SYT10: variants seen among roughly 807,000 people sequenced by gnomAD.
The protein encoded by SYT10 is synaptotagmin 10.
In SYT10, 31 loss-of-function variants were observed where a neutral mutation model predicts 51.1. That is an observed-to-expected ratio of 0.61 (90% CI 0.46 to 0.82). The LOEUF is 0.82. Among genes scored for constraint, SYT10 ranks in the 40% least tolerant of loss-of-function variants. SYT10 has a pLI of 0.00. For synonymous variants in SYT10, 233 were observed against 225.9 expected (o/e 1.03, Z -0.28); for missense variants, 603 against 634.0 (o/e 0.95, Z 0.53).
At chr12:33,390,908 T>A (rs1866199620) in intron 3 of SYT10, among the ~76,000 whole-genome samples, 1 of 152,164 alleles carries the variant, frequency 6.6e-6, no homozygotes, top group Non-Finnish European at 1.5e-5. Flanking sequence ...CAGGTCTGCA[T>A]AATGTTAAAT....
At chr12:33,377,982 A>T (rs1866078865) in intron 6 of SYT10, among the ~76,000 whole-genome samples, 1 of 151,692 alleles carries the variant, frequency 6.6e-6, no homozygotes, top group Non-Finnish European at 1.5e-5. Context: ...AATGGACACA[A>T]CTCTCAAATA....
Position 33,407,003 on chromosome 12 carries a change from T to C in SYT10, c.863A>G (p.His288Arg). Reference sequence around the variant, plus strand: ...AAATAGAGGATTTAAAGTCTTTCTGTGCACGCGGGTCTGAAATTTCTTTTT... The same window carrying C: ...AAATAGAGGATTTAAAGTCTTTCTGCGCACGCGGGTCTGAAATTTCTTTTT... ...DRKKKFQTRV[H>R]RKTLNPLFDE... The change falls in exon 3 of 7, where the codon CAC (histidine) becomes CGC (arginine). Residue 288 changes from histidine (H) to arginine (R), a missense_variant. Transcript: ENST00000228567. 1 of 1,614,184 alleles carries C rather than the reference T, an allele frequency of 6.2e-7. No homozygotes were observed. Among genetic ancestry groups the C allele is most frequent in the South Asian group, 1.1e-5 (1 of 91,084 alleles).
rs569599951 is a variant in SYT10 at position 33,406,571 on chromosome 12, G to A, written c.1077+218C>T. On this transcript the variant is annotated intron_variant, in intron 3 of 6. Transcript: ENST00000228567. ...GCCTACCAGTTCTGCTAATTTATAAGAGCTACGTTTTTTTATTCACACAAT... is the reference window on the plus strand; with the variant it reads ...GCCTACCAGTTCTGCTAATTTATAAAAGCTACGTTTTTTTATTCACACAAT... 5.9e-5 allele frequency among the ~76,000 whole-genome samples: 9 copies of A among 152,210 alleles called. No homozygotes were observed. The South Asian group carries it at 1.7e-3, about 28-fold the overall frequency.
intron 5 of SYT10, among the ~76,000 whole-genome samples, chr12:33,380,324 T>G (rs1246834600): frequency 6.6e-6 from 1 of 152,228 alleles, no homozygotes; most frequent in Non-Finnish European, 1.5e-5. Flanking sequence ...ACAAATCTTG[T>G]TCTTTCCACA....
chr12:33,413,200 C>T lies in SYT10; in HGVS notation c.510-5844G>A, dbSNP rs553818692. On this transcript the variant is annotated intron_variant, in intron 2 of 6. Coordinates refer to ENST00000228567, the MANE Select transcript of SYT10 (RefSeq NM_198992.4). ...GGACTATGTGAAAAGACCAAATCTA[C>T]ATCTGATTGGTGTACCTGAAAGTGA... Among the ~76,000 whole-genome samples the T allele has an allele frequency of 7.6e-3, 1,150 of 152,202 alleles. 9 individuals are homozygous for T. Among genetic ancestry groups the T allele is most frequent in the South Asian group, 0.016 (76 of 4,818 alleles).
chr12:33,433,791 A>C (rs1591999819), intron 1 of SYT10, among the ~76,000 whole-genome samples: 1 of 152,290 alleles, frequency 6.6e-6, no homozygotes, highest in East Asian at 1.9e-4. Flanking sequence ...TAATGTAATA[A>C]TATTAACAGC....
intron 2 of SYT10, among the ~76,000 whole-genome samples, chr12:33,412,346 G>A (rs1311048286): frequency 6.6e-6 from 1 of 151,488 alleles, no homozygotes; most frequent in Non-Finnish European, 1.5e-5. Flanking sequence ...GTTAAGACAA[G>A]CTTTAATTAT....
chr12:33,419,823 T>G (rs746674966), intron 2 of SYT10, among the ~76,000 whole-genome samples: 1 of 152,224 alleles, frequency 6.6e-6, no homozygotes, highest in Non-Finnish European at 1.5e-5. Context: ...TCTGAGAACA[T>G]ATTATATTAC....
At chr12:33,418,109 C>T (rs1032561947) in intron 2 of SYT10, among the ~76,000 whole-genome samples, 13 of 152,170 alleles carry the variant, frequency 8.5e-5, no homozygotes, top group African/African-American at 2.9e-4. Flanking sequence ...TACTGTACCA[C>T]AATCGCTCTT....
intron 1 of SYT10, among the ~76,000 whole-genome samples, chr12:33,437,557 C>T (rs1197194682): frequency 6.6e-6 from 1 of 152,108 alleles, no homozygotes; most frequent in Non-Finnish European, 1.5e-5. Context: ...AGTCTGAGAC[C>T]CGGGAAACCA....
chr12:33,377,031 T>A, intron 6 of SYT10, 130 bp from the exon 7 acceptor site: 3 of 941,922 alleles, frequency 3.2e-6, no homozygotes, highest in Admixed American at 2.1e-5. Flanking sequence ...AATACATAAC[T>A]CCCTTTGCCC....
chr12:33,397,317 T>G, intron 3 of SYT10, among the ~76,000 whole-genome samples: 1 of 151,356 alleles, frequency 6.6e-6, no homozygotes, highest in African/African-American at 2.4e-5. Context: ...TACCCTGGAG[T>G]GGTAACAGCA....
intron 2 of SYT10, among the ~76,000 whole-genome samples, chr12:33,414,553 T>C (rs1186404961): frequency 6.6e-6 from 1 of 152,140 alleles, no homozygotes; most frequent in Non-Finnish European, 1.5e-5. Flanking sequence ...CTACATGGAA[T>C]CTGAACAACC....
chr12:33,439,439 C>G lies in SYT10; in HGVS notation c.84G>C (p.Gln28His). 6.2e-7 allele frequency: 1 copy of G among 1,614,272 alleles called. No homozygotes were observed. The highest frequency in any genetic ancestry group is 8.5e-7 in the Non-Finnish European group (1 of 1,180,050). Reference protein sequence around the residue: ...HIVTELCFAGQVEWEKCSGIF... With the variant: ...HIVTELCFAGHVEWEKCSGIF... ...TGCCCGAGCACTTCTCCCACTCCAC[C>G]TGGCCGGCGAAGCACAGCTCGGTGA... Residue 28 changes from glutamine to histidine, a missense_variant, in exon 1 of 7, where the codon CAG (glutamine) becomes CAC (histidine). Gln to His is a conservative substitution (Grantham distance 24). Transcript: ENST00000228567.
chr12:33,376,083 G>A lies in SYT10; in HGVS notation c.*747C>T, dbSNP rs1163162365. 6.6e-6 allele frequency: 1 copy of A among 152,170 alleles called. No individual in the cohort carries two copies. The highest frequency in any genetic ancestry group is 1.5e-5 in the Non-Finnish European group (1 of 68,014). 9.4% of individuals were successfully genotyped at this position (152,170 alleles called of 1,614,324 possible). On this transcript the variant is annotated 3_prime_UTR_variant, in exon 7 of 7. Transcript: ENST00000228567. ...TATTAGAATTTTAAAAATATCAGTT[G>A]AACAGTGCAACAGATATTTGAGCTA...
At chr12:33,433,952 TGAAG>T (rs1308391998) in intron 1 of SYT10, among the ~76,000 whole-genome samples, 2 of 152,206 alleles carry the variant, frequency 1.3e-5, no homozygotes, top group Admixed American at 1.3e-4. Flanking sequence ...AGTGATGATT[TGAAG>T]GGAGGTTAAA....
At chr12:33,422,928 G>C (rs1295268473) in intron 2 of SYT10, among the ~76,000 whole-genome samples, 1 of 152,104 alleles carries the variant, frequency 6.6e-6, no homozygotes. Flanking sequence ...TAGAAAGAGT[G>C]AAAGATACGT....
chr12:33,403,986 T>C (rs1356015128), intron 3 of SYT10, among the ~76,000 whole-genome samples: 1 of 152,226 alleles, frequency 6.6e-6, no homozygotes, highest in Non-Finnish European at 1.5e-5. Context: ...AATGTTCTAG[T>C]TAAAGGAGAA....
chr12:33,407,118 C>T lies in SYT10; in HGVS notation c.748G>A (p.Val250Ile). ...AGATCTAAAGCTTTGATAATTTTAACAACTAGAAGTTCATTTTCATAATCA... is the reference window on the plus strand; with the variant it reads ...AGATCTAAAGCTTTGATAATTTTAATAACTAGAAGTTCATTTTCATAATCA... ...QYDYENELLV[V>I]KIIKALDLPA... Residue 250 changes from valine (V) to isoleucine (I), a missense_variant, in exon 3 of 7, where the codon GTT (valine) becomes ATT (isoleucine). By Grantham distance (29) the Val-to-Ile change is conservative. Coordinates refer to ENST00000228567, the MANE Select transcript of SYT10 (RefSeq NM_198992.4). 6.2e-7 allele frequency: 1 copy of T among 1,613,640 alleles called. No homozygotes were observed. The highest frequency in any genetic ancestry group is 1.1e-5 in the South Asian group (1 of 91,034).
Sources: gnomAD v4.1 joint callset for allele counts (sites outside exome capture counted in the v4.1 genomes callset) on GRCh38, gnomAD v4.1.1 for gene constraint, MANE v1.5 for transcripts, NCBI Gene and HGNC (gene_info 2026-07-23, HGNC 2026-07-21) for gene names.